The following EYA2 variants were observed in gnomAD, a reference collection of about 807,000 sequenced individuals.
The protein encoded by EYA2 is protein phosphatase EYA2.
EYA2 carries 31 observed loss-of-function variants against 69.2 expected under a neutral mutation model. The ratio of observed to expected loss-of-function variants is 0.45; its 90% CI spans 0.34 to 0.60. EYA2 has a LOEUF of 0.60. Ranked by LOEUF, EYA2 falls within the 20% of genes least tolerant of loss-of-function variation. The pLI is 0.02. For missense variants in EYA2, 622 were observed against 701.2 expected (o/e 0.89, Z 1.28); for synonymous variants, 257 against 279.4 (o/e 0.92, Z 0.80).
chr20:47,010,676 C>CATAT lies in EYA2; in HGVS notation c.299-5498_299-5495dup, dbSNP rs10626121. ...TTATTTTAATATGCATTTATATCTACATATATATATGTGTATGTGTACAAA... is the reference window on the plus strand; with the variant it reads ...TTATTTTAATATGCATTTATATCTACATATATATATATATGTGTATGTGTACAAA... On this transcript the variant is annotated intron_variant, in intron 4 of 15. Coordinates refer to ENST00000327619, the MANE Select transcript of EYA2 (RefSeq NM_005244.5). 3.2e-3 allele frequency among the ~76,000 whole-genome samples: 474 copies of CATAT among 148,922 alleles called. 4 individuals are homozygous for CATAT. The highest frequency in any genetic ancestry group is 0.029 in the East Asian group (147 of 5,144).
chr20:47,161,326 T>G, intron 10 of EYA2: 1 of 497,644 alleles, frequency 2.0e-6, no homozygotes, highest in Admixed American at 2.7e-5. Context: ...GACATACCAT[T>G]ATAGTCACCG....
chr20:47,123,353 AAT>A, intron 9 of EYA2, among the ~76,000 whole-genome samples: 1 of 152,272 alleles, frequency 6.6e-6, no homozygotes, highest in South Asian at 2.1e-4. Flanking sequence ...TTATTATTAA[AAT>A]ATTGTCATGA....
In EYA2 at chr20:46,965,326, G is replaced by A. The variant is rs115838942; in HGVS notation, c.-10-24675G>A. On this transcript the variant is annotated intron_variant, in intron 1 of 15. Coordinates refer to ENST00000327619, the MANE Select transcript of EYA2 (RefSeq NM_005244.5). ...AAAGGGCTTTAAACAGTCAAGTTAGGTTTTTCTCTGGCTCTTCGAATCCTT... is the reference window on the plus strand; with the variant it reads ...AAAGGGCTTTAAACAGTCAAGTTAGATTTTTCTCTGGCTCTTCGAATCCTT... Among the ~76,000 whole-genome samples, 378 of 152,350 alleles carry A rather than the reference G, an allele frequency of 2.5e-3. 1 individual carries two copies. The highest frequency in any genetic ancestry group is 8.8e-3 in the African/African-American group (367 of 41,586).
At chr20:47,091,239 G>A (rs1335196674) in intron 8 of EYA2, among the ~76,000 whole-genome samples, 1 of 152,104 alleles carries the variant, frequency 6.6e-6, no homozygotes, top group African/African-American at 2.4e-5. Context: ...GAGAATCCAG[G>A]GGTCAAGTGG....
chr20:47,005,236 G>C (rs1982635710), intron 4 of EYA2, 152 bp downstream of exon 4: 1 of 899,748 alleles, frequency 1.1e-6, no homozygotes, highest in Admixed American at 2.9e-5. Context: ...CTTTAAATAT[G>C]GTTCAAATTC....
chr20:47,031,579 A>G (rs1424674807), intron 5 of EYA2, among the ~76,000 whole-genome samples: 1 of 152,234 alleles, frequency 6.6e-6, no homozygotes, highest in Non-Finnish European at 1.5e-5. Context: ...CAGTGACCCC[A>G]TTCAGAAAAT....
At chr20:47,181,391 C>G (rs61668818) in intron 14 of EYA2, among the ~76,000 whole-genome samples, 20,087 of 152,158 alleles carry the variant, frequency 0.13, 4,307 homozygotes, top group African/African-American at 0.45. Context: ...CTAGCCCATC[C>G]TCATTCTAGC....
intron 9 of EYA2, among the ~76,000 whole-genome samples, chr20:47,116,971 A>G (rs1348395447): frequency 1.3e-5 from 2 of 149,998 alleles, no homozygotes; most frequent in South Asian, 2.1e-4. Context: ...ACCCCGCTGT[A>G]GACTCACTGA....
intron 8 of EYA2, among the ~76,000 whole-genome samples, chr20:47,094,008 C>T (rs1002154241): frequency 5.9e-5 from 9 of 152,150 alleles, no homozygotes; most frequent in Non-Finnish European, 1.2e-4. Context: ...TTTTAAATTG[C>T]AAAATAAAAG....
intron 5 of EYA2, among the ~76,000 whole-genome samples, chr20:47,027,125 A>G (rs996218524): frequency 6.6e-6 from 1 of 152,198 alleles, no homozygotes. Flanking sequence ...GGCTTATTTC[A>G]TCAGTGAGGT....
rs202183062 is a variant in EYA2, at chr20:47,078,327, G to A, written c.661+3992G>A. Among the ~76,000 whole-genome samples the A allele has an allele frequency of 1.7e-3, 132 of 78,100 alleles. 1 individual carries two copies. Among genetic ancestry groups the A allele is most frequent in the Middle Eastern group, 7.8e-3 (1 of 128 alleles). The allele number at this position is 78,100 out of a possible 152,430, so 51.2% of individuals were successfully genotyped here. ...TGTGCACATGTGCACGTGCGCGCGC[G>A]CGCGCACACACACACACACACACAC... On this transcript the variant is annotated intron_variant, in intron 7 of 15. Coordinates refer to ENST00000327619, the MANE Select transcript of EYA2 (RefSeq NM_005244.5).
At chr20:47,135,126 C>CAAAAAAAAA (rs11484435) in intron 9 of EYA2, among the ~76,000 whole-genome samples, 21 of 58,472 alleles carry the variant, frequency 3.6e-4, no homozygotes, top group East Asian at 1.6e-3. Flanking sequence ...GACTCCATAT[C>CAAAAAAAAA]AAAAAAAAAA....
At chr20:47,136,118 C>G (rs994482180) in intron 9 of EYA2, among the ~76,000 whole-genome samples, 3 of 152,024 alleles carry the variant, frequency 2.0e-5, no homozygotes, top group African/African-American at 7.2e-5. Flanking sequence ...TGGTAAAAAT[C>G]TATATGTGTT....
intron 9 of EYA2, among the ~76,000 whole-genome samples, chr20:47,125,885 T>G (rs2033178608): frequency 9.7e-6 from 1 of 102,728 alleles, no homozygotes; most frequent in East Asian, 2.2e-4. Flanking sequence ...TTTGTGTGTG[T>G]TTTTTTTTCT....
At chr20:47,005,410 T>C (rs1017169796) in intron 4 of EYA2, among the ~76,000 whole-genome samples, 1 of 152,120 alleles carries the variant, frequency 6.6e-6, no homozygotes, top group African/African-American at 2.4e-5. Context: ...CATCGTGAGG[T>C]GTAAGTCTCT....
intron 3 of EYA2, among the ~76,000 whole-genome samples, chr20:47,003,913 G>T (rs544288900): frequency 2.6e-5 from 4 of 152,294 alleles, no homozygotes; most frequent in African/African-American, 9.6e-5. Flanking sequence ...TAAACCAGGA[G>T]AGATAAGAGC....
intron 12 of EYA2, among the ~76,000 whole-genome samples, chr20:47,174,480 G>A (rs994923978): frequency 1.3e-5 from 2 of 152,222 alleles, no homozygotes; most frequent in African/African-American, 4.8e-5. Context: ...GGTGGCATTT[G>A]TCACGAGTTG....
intron 10 of EYA2, among the ~76,000 whole-genome samples, chr20:47,150,556 C>T (rs1452446160): frequency 6.6e-6 from 1 of 150,868 alleles, no homozygotes; most frequent in Admixed American, 6.6e-5. Context: ...CAGCCTCGAC[C>T]TCCTGGGCTC....
At chr20:47,164,713 G>A (rs1340408388) in intron 10 of EYA2, among the ~76,000 whole-genome samples, 1 of 152,172 alleles carries the variant, frequency 6.6e-6, no homozygotes, top group Non-Finnish European at 1.5e-5. Flanking sequence ...AAGCCCCGTA[G>A]AGATGGTGGG....
Sources: allele counts gnomAD v4.1 joint callset (sites outside exome capture counted in the v4.1 genomes callset), GRCh38; gene constraint gnomAD v4.1.1; transcripts MANE v1.5; gene names NCBI Gene and HGNC (gene_info 2026-07-23, HGNC 2026-07-21).